Variants in LRP1B observed in about 807,000 individuals in gnomAD.
The protein encoded by LRP1B is LDL receptor related protein 1B.
Under a neutral mutation model 556.6 loss-of-function variants are expected in LRP1B, and 217 were observed. That is an observed-to-expected ratio of 0.39 (90% confidence interval 0.35 to 0.44). The LOEUF is 0.44. Among genes scored for constraint, LRP1B ranks in the 20% least tolerant of loss-of-function variants. The probability of loss-of-function intolerance (pLI) is 1.00; values close to 1 mark genes in which losing one functional copy is unlikely to be tolerated. For missense variants in LRP1B, 5,053 were observed against 5,620.8 expected, an observed-to-expected ratio of 0.90 and a Z score of 3.23; for synonymous variants, 2,047 against 1,865.8, an observed-to-expected ratio of 1.10 and a Z score of -2.50.
intron 63 of LRP1B, 120 bp from the exon 64 acceptor site, chr2:140,444,799 T>A: frequency 1.5e-6 from 1 of 669,872 alleles, no homozygotes; most frequent in Non-Finnish European, 2.6e-6. Flanking sequence ...ACAATGTGAA[T>A]GTCTCTCATC....
chr2:140,247,870 G>C (rs1249201529), intron 86 of LRP1B, among the ~76,000 whole-genome samples: 2 of 151,620 alleles, frequency 1.3e-5, no homozygotes, highest in African/African-American at 4.8e-5. Context: ...AAAAATAAAT[G>C]CTGGAACAGT....
At chr2:140,921,538 A>G (rs1694736567) in intron 21 of LRP1B, among the ~76,000 whole-genome samples, 1 of 151,988 alleles carries the variant, frequency 6.6e-6, no homozygotes, top group African/African-American at 2.4e-5. Flanking sequence ...TAATTCATTC[A>G]TTTTACAATA....
rs761488615 is a variant in LRP1B at position 140,526,277 on chromosome 2, C to T, written c.7836G>A (p.Gln2612=). The T allele has an allele frequency of 6.2e-7, 1 of 1,611,988 alleles. No individual in the cohort carries two copies. Among genetic ancestry groups the T allele is most frequent in the Admixed American group, 1.7e-5 (1 of 59,780 alleles). Residue 2612 remains glutamine (Q), a synonymous_variant, in exon 48 of 91, where the codon CAG becomes CAA. Coordinates refer to ENST00000389484, the MANE Select transcript of LRP1B (RefSeq NM_018557.3). ...TCIPRSARCN[Q]NIDCADASDE... The stretch of plus-strand genomic sequence containing the variant: ...CTGAAGCATCTGCACAATCTATGTT[C>T]TGGTTGCATCGTGCTGATCTTGGAA...
At chr2:140,537,258 C>A (rs557903775) in intron 45 of LRP1B, among the ~76,000 whole-genome samples, 3 of 148,486 alleles carry the variant, frequency 2.0e-5, no homozygotes, top group Non-Finnish European at 4.5e-5. Context: ...TTTAAAACAG[C>A]CAGTTAAATG....
chr2:141,937,990 T>C (rs1188151145), intron 1 of LRP1B, among the ~76,000 whole-genome samples: 1 of 152,204 alleles, frequency 6.6e-6, no homozygotes, highest in Admixed American at 6.5e-5. Context: ...TCTCAAAGTT[T>C]AGTAGATGGT....
chr2:141,949,425 T>A (rs1701047391), intron 1 of LRP1B, among the ~76,000 whole-genome samples: 1 of 152,166 alleles, frequency 6.6e-6, no homozygotes, highest in Admixed American at 6.5e-5. Flanking sequence ...ACGGTCTCGC[T>A]CTGTCTCCAG....
intron 7 of LRP1B, among the ~76,000 whole-genome samples, chr2:141,105,416 T>C (rs952496155): frequency 1.3e-5 from 2 of 152,148 alleles, no homozygotes; most frequent in Non-Finnish European, 2.9e-5. Flanking sequence ...TTACCATTTG[T>C]GAGTTATTGA....
At chr2:141,899,108 C>G (rs998778613) in intron 1 of LRP1B, among the ~76,000 whole-genome samples, 1 of 152,170 alleles carries the variant, frequency 6.6e-6, no homozygotes, top group Admixed American at 6.6e-5. Context: ...TAAGTTGAAA[C>G]TGAAATTACT....
intron 41 of LRP1B, among the ~76,000 whole-genome samples, chr2:140,628,494 G>A (rs915323073): frequency 3.4e-5 from 5 of 148,854 alleles, no homozygotes; most frequent in Non-Finnish European, 7.4e-5. Flanking sequence ...CCTAGATCCT[G>A]CCACTGCACT....
intron 1 of LRP1B, among the ~76,000 whole-genome samples, chr2:142,085,904 T>C (rs997163430): frequency 5.9e-5 from 9 of 152,200 alleles, no homozygotes; most frequent in Non-Finnish European, 1.2e-4. Context: ...CCTCTGGAGC[T>C]CTGGGCATAT....
intron 3 of LRP1B, among the ~76,000 whole-genome samples, chr2:141,427,842 A>G (rs1294778879): frequency 1.3e-5 from 2 of 152,200 alleles, no homozygotes; most frequent in Admixed American, 1.3e-4. Context: ...ATATAAAGCT[A>G]TAAAATGCTT....
At position 140,909,683 on chromosome 2, in the gene LRP1B, T is replaced by A. The variant is rs1429347; in HGVS notation, c.3320-1606A>T. ...GAGGTATAATATTAGAAATGAGGAA[T>A]AACATTAGAAAAGAGTGTCATTACA... On this transcript the variant is annotated intron_variant, in intron 21 of 90. Transcript: ENST00000389484. 1.5e-4 allele frequency among the ~76,000 whole-genome samples: 22 copies of A among 150,658 alleles called. 1 individual carries two copies. Among genetic ancestry groups the A allele is most frequent in the Admixed American group, 1.3e-3 (19 of 15,088 alleles).
intron 84 of LRP1B, among the ~76,000 whole-genome samples, chr2:140,284,450 G>A (rs553017968): frequency 6.6e-6 from 1 of 151,706 alleles, no homozygotes; most frequent in Non-Finnish European, 1.5e-5. Flanking sequence ...AGAGCATCAT[G>A]AGGAAAGTTA....
chr2:140,860,019 T>TA (rs201900218), intron 27 of LRP1B, among the ~76,000 whole-genome samples: 134 of 151,296 alleles, frequency 8.9e-4, no homozygotes, highest in African/African-American at 2.8e-3. Context: ...AAATAAAAAT[T>TA]AAAAAAAAAT....
At chr2:141,989,735 C>T (rs1702290686) in intron 1 of LRP1B, among the ~76,000 whole-genome samples, 1 of 152,040 alleles carries the variant, frequency 6.6e-6, no homozygotes, top group African/African-American at 2.4e-5. Context: ...TCAGCACTTT[C>T]TCTCTTGCTG....
At position 140,327,035 on chromosome 2, in the gene LRP1B, A is replaced by C. The variant is rs76019996; in HGVS notation, c.12224-1157T>G. ...TTCTATAATACATCTTCACTGCTGT[A>C]GATTAACTTTTGTGACATAGCTACT... On this transcript the variant is annotated intron_variant, in intron 79 of 90. Coordinates refer to ENST00000389484, the MANE Select transcript of LRP1B (RefSeq NM_018557.3). Among the ~76,000 whole-genome samples, 682 of 152,242 alleles carry C rather than the reference A, an allele frequency of 4.5e-3. 12 individuals carry two copies. Among genetic ancestry groups the C allele is most frequent in the Admixed American group, 0.034 (520 of 15,264 alleles).
At chr2:140,494,141 A>G (rs569834923) in intron 56 of LRP1B, among the ~76,000 whole-genome samples, 1 of 152,328 alleles carries the variant, frequency 6.6e-6, no homozygotes, top group South Asian at 2.1e-4. Flanking sequence ...ACATTTTTAT[A>G]TTTAAAATTT....
At chr2:142,095,463 G>T (rs921990692) in intron 1 of LRP1B, among the ~76,000 whole-genome samples, 1 of 151,702 alleles carries the variant, frequency 6.6e-6, no homozygotes, top group Non-Finnish European at 1.5e-5. Context: ...ACCTAAGTGT[G>T]TGCATGTGTG....
intron 66 of LRP1B, among the ~76,000 whole-genome samples, chr2:140,412,132 C>T (rs1275934050): frequency 1.3e-5 from 2 of 152,048 alleles, no homozygotes; most frequent in Non-Finnish European, 2.9e-5. Flanking sequence ...GCAAATATAT[C>T]AATTAGGTTA....
Sources: allele counts gnomAD v4.1 joint callset (sites outside exome capture counted in the v4.1 genomes callset), GRCh38; gene constraint gnomAD v4.1.1; transcripts MANE v1.5; gene names NCBI Gene and HGNC (gene_info 2026-07-23, HGNC 2026-07-21).